The following FGF1 variants were observed in gnomAD, a reference collection of about 807,000 sequenced individuals.
FGF1 encodes the protein fibroblast growth factor 1, also known as beta-endothelial cell growth factor.
Under a neutral mutation model 13.4 loss-of-function variants are expected in FGF1, and 9 were observed. The observed-to-expected ratio is 0.67, with a 90% CI of 0.40 to 1.17. FGF1 has a LOEUF of 1.17. Ranked by LOEUF, FGF1 falls within the 50% of genes most tolerant of loss-of-function variation. The pLI is 0.01. For synonymous variants in FGF1, 93 were observed against 79.0 expected (o/e 1.18, Z -0.94); for missense variants, 156 against 192.7 (o/e 0.81, Z 1.13).
intron 2 of FGF1, among the ~76,000 whole-genome samples, chr5:142,610,249 T>C (rs1312653506): frequency 6.6e-6 from 1 of 152,214 alleles, no homozygotes; most frequent in Non-Finnish European, 1.5e-5. Flanking sequence ...CTGCCACCAA[T>C]ACAATTCAGT....
At chr5:142,665,666 A>G (rs563841134) in intron 1 of FGF1, among the ~76,000 whole-genome samples, 3 of 152,038 alleles carry the variant, frequency 2.0e-5, no homozygotes, top group Non-Finnish European at 4.4e-5. Context: ...CCTGTCTACC[A>G]ATAAAGCTTC....
At chr5:142,606,528 C>G (rs977802188) in intron 2 of FGF1, among the ~76,000 whole-genome samples, 2 of 151,540 alleles carry the variant, frequency 1.3e-5, no homozygotes, top group South Asian at 4.2e-4. Flanking sequence ...GAGGCTGAGG[C>G]GAGAGAATTG....
chr5:142,637,341 A>G (rs1205880794), intron 1 of FGF1, among the ~76,000 whole-genome samples: 1 of 147,228 alleles, frequency 6.8e-6, no homozygotes, highest in Non-Finnish European at 1.5e-5. Flanking sequence ...TTTTTTTGAG[A>G]CAGAGTCTTG....
chr5:142,623,933 G>T (rs1762056376), intron 1 of FGF1, among the ~76,000 whole-genome samples: 1 of 150,938 alleles, frequency 6.6e-6, no homozygotes, highest in Non-Finnish European at 1.5e-5. Flanking sequence ...TTGTTTGATT[G>T]TTTGAGACAG....
chr5:142,595,363 C>T lies in FGF1; in HGVS notation c.395G>A (p.Cys132Tyr). The change falls in exon 4 of 4, where the codon TGC becomes TAC. Residue 132 changes from cysteine to tyrosine, a missense_variant. Cys to Tyr is a radical substitution (Grantham distance 194). Coordinates refer to ENST00000337706, the MANE Select transcript of FGF1 (RefSeq NM_000800.5). ...ATAGTGAGTCCGAGGACCGCGTTTG[C>T]AGCTCCCATTCTTCTTGAGGCCAAC... ...WFVGLKKNGS[C>Y]KRGPRTHYGQ... is the part of the protein sequence containing the mutation. The T allele has an allele frequency of 1.2e-6, 2 of 1,614,084 alleles. No homozygotes were observed. The highest frequency in any genetic ancestry group is 1.7e-6 in the Non-Finnish European group (2 of 1,179,966).
intron 2 of FGF1, among the ~76,000 whole-genome samples, chr5:142,696,535 T>A (rs1242701225): frequency 6.6e-6 from 1 of 152,188 alleles, no homozygotes; most frequent in Non-Finnish European, 1.5e-5. Flanking sequence ...TCTTGTACGG[T>A]GCTGTGCTAG....
At chr5:142,693,740 A>G (rs564400469) in intron 2 of FGF1, among the ~76,000 whole-genome samples, 66 of 152,222 alleles carry the variant, frequency 4.3e-4, no homozygotes, top group African/African-American at 1.6e-3. Flanking sequence ...TTCTGTCTCT[A>G]TAGATTTTCC....
At chr5:142,606,173 C>A (rs1757606514) in intron 2 of FGF1, among the ~76,000 whole-genome samples, 1 of 148,052 alleles carries the variant, frequency 6.8e-6, no homozygotes, top group Non-Finnish European at 1.5e-5. Context: ...TGTTTTTGAG[C>A]TAAAAGCAAA....
At chr5:142,617,022 C>G (rs139233493) in intron 1 of FGF1, among the ~76,000 whole-genome samples, 3 of 152,186 alleles carry the variant, frequency 2.0e-5, no homozygotes, top group African/African-American at 7.2e-5. Context: ...TGGACTTCCT[C>G]CAGTGTAGGT....
intron 2 of FGF1, among the ~76,000 whole-genome samples, chr5:142,613,359 C>T (rs1223253862): frequency 6.6e-6 from 1 of 152,250 alleles, no homozygotes; most frequent in Non-Finnish European, 1.5e-5. Flanking sequence ...CAGCATTTGG[C>T]GCTAGTCGCT....
chr5:142,595,273 ACCCAGAACAGATC>A lies in FGF1; in HGVS notation c.*4_*16del. 6.2e-7 allele frequency: 1 copy of A among 1,610,770 alleles called. No individual in the cohort carries two copies. The highest frequency in any genetic ancestry group is 2.2e-5 in the East Asian group (1 of 44,850). ...TCGAAACTTCTCTGGAGTGGTCAAC[ACCCAGAACAGATC>A]TCTTTAATCAGAAGAGACTGGCAGG... On this transcript the variant is annotated 3_prime_UTR_variant, in exon 4 of 4. Transcript: ENST00000337706.
intron 1 of FGF1, among the ~76,000 whole-genome samples, chr5:142,629,370 C>G (rs1237683061): frequency 6.6e-6 from 1 of 152,108 alleles, no homozygotes; most frequent in Non-Finnish European, 1.5e-5. Flanking sequence ...CGCTATGTTG[C>G]CCCGGCTGGT....
At chr5:142,599,065 C>A (rs1185037537) in intron 3 of FGF1, among the ~76,000 whole-genome samples, 1 of 152,140 alleles carries the variant, frequency 6.6e-6, no homozygotes, top group East Asian at 1.9e-4. Context: ...CACCACTGAA[C>A]CCATGTACGC....
chr5:142,683,902 C>T lies in FGF1; in HGVS notation c.-35+2055G>A, dbSNP rs986817705. Among the ~76,000 whole-genome samples, 7 of 151,680 alleles carry T rather than the reference C, an allele frequency of 4.6e-5. No individual in the cohort carries two copies. The Middle Eastern group carries it at 0.01, about 224-fold the overall frequency. ...AAACCCTTGTAGCAGAGCACATCTC[C>T]CCATGATCTTTTTAAAATCCTATAT... On this transcript the variant is annotated intron_variant, in intron 1 of 3. Transcript: ENST00000337706.
chr5:142,614,717 T>C (rs1759844188), intron 1 of FGF1, among the ~76,000 whole-genome samples: 3 of 152,142 alleles, frequency 2.0e-5, no homozygotes, highest in African/African-American at 7.2e-5. Flanking sequence ...GTTAGTATGT[T>C]AAGGGAAGCT....
chr5:142,626,184 A>T (rs1762424367), intron 1 of FGF1, among the ~76,000 whole-genome samples: 1 of 152,194 alleles, frequency 6.6e-6, no homozygotes, highest in African/African-American at 2.4e-5. Flanking sequence ...TTGGCTAGGA[A>T]GGAAATGAAT....
chr5:142,649,235 A>C (rs1305148727), intron 1 of FGF1, among the ~76,000 whole-genome samples: 4 of 152,200 alleles, frequency 2.6e-5, no homozygotes, highest in Non-Finnish European at 4.4e-5. Flanking sequence ...TGTGTGACAC[A>C]CATCAACAGC....
chr5:142,605,878 C>T (rs1757546101), intron 2 of FGF1, among the ~76,000 whole-genome samples: 1 of 152,122 alleles, frequency 6.6e-6, no homozygotes, highest in Non-Finnish European at 1.5e-5. Flanking sequence ...GACCTACATC[C>T]TCTTGCAGCT....
chr5:142,682,939 C>T (rs1043768582), intron 1 of FGF1, among the ~76,000 whole-genome samples: 5 of 152,194 alleles, frequency 3.3e-5, no homozygotes, highest in Middle Eastern at 3.4e-3. Flanking sequence ...AGCCCAGGCC[C>T]ATTCTCTGTT....
Sources: allele counts gnomAD v4.1 joint callset (sites outside exome capture counted in the v4.1 genomes callset), GRCh38; gene constraint gnomAD v4.1.1; transcripts MANE v1.5; gene names NCBI Gene and HGNC (gene_info 2026-07-23, HGNC 2026-07-21).